Variants in MILR1 observed in about 807,000 individuals in gnomAD.
MILR1 encodes mast cell immunoglobulin like receptor 1.
MILR1 carries 31 observed loss-of-function variants against 18.5 expected under a neutral mutation model. The observed-to-expected ratio is 1.68, with a 90% confidence interval of 1.26 to 2.26. MILR1 has a LOEUF of 2.26. Among genes scored for constraint, MILR1 ranks in the 30% most tolerant of loss-of-function variants. The probability of loss-of-function intolerance (pLI) is 0.00; values close to 1 mark genes in which losing one functional copy is unlikely to be tolerated. For synonymous variants in MILR1, 85 were observed against 56.2 expected, an observed-to-expected ratio of 1.51 and a Z score of -2.30; for missense variants, 257 against 157.4, an observed-to-expected ratio of 1.63 and a Z score of -3.38.
the MILR1 span, among the ~76,000 whole-genome samples, chr17:64,483,737 A>G: frequency 7.1e-6 from 1 of 141,322 alleles, no homozygotes; most frequent in Non-Finnish European, 1.5e-5. Context: ...TTTTTTTTTT[A>G]AAGGGTCTGG....
At chr17:64,496,691 C>G in the MILR1 span, 2 of 1,614,088 alleles carry the variant, frequency 1.2e-6, no homozygotes, top group African/African-American at 2.7e-5. Flanking sequence ...GTGGCACCCA[C>G]TCAGAAGAGA....
downstream of MILR1, among the ~76,000 whole-genome samples, chr17:64,469,587 CA>C (rs1441768414): frequency 6.6e-6 from 1 of 152,162 alleles, no homozygotes; most frequent in African/African-American, 2.4e-5. Context: ...GTAGTAGAGA[CA>C]GGGTTTTGCC....
chr17:64,460,275 C>T (rs1366408551), intron 4 of MILR1, among the ~76,000 whole-genome samples: 1 of 152,048 alleles, frequency 6.6e-6, no homozygotes, highest in Non-Finnish European at 1.5e-5. Context: ...ATCTACCTGC[C>T]TTGGCCTCCC....
the MILR1 span, among the ~76,000 whole-genome samples, chr17:64,479,216 C>A: frequency 6.8e-6 from 1 of 147,482 alleles, no homozygotes; most frequent in Non-Finnish European, 1.5e-5. Context: ...AGGAGTCTCG[C>A]TCTGTCACCC....
chr17:64,493,101 A>G, the MILR1 span: 15 of 1,406,362 alleles, frequency 1.1e-5, no homozygotes, highest in Non-Finnish European at 1.5e-5. Context: ...CATTAATAGT[A>G]GTAATAACGT....
At chr17:64,481,827 A>AGATT in the MILR1 span, among the ~76,000 whole-genome samples, 3 of 151,966 alleles carry the variant, frequency 2.0e-5, no homozygotes, top group Admixed American at 6.6e-5. Context: ...GTGAGCCGAG[A>AGATT]TCGTGCCACT....
rs953419888 is a variant in MILR1 at position 64,463,884 on chromosome 17, C to T, written c.764-1568C>T. Among the ~76,000 whole-genome samples the T allele has an allele frequency of 4.0e-3, 572 of 141,650 alleles. 8 individuals are homozygous for T. The highest frequency in any genetic ancestry group is 0.025 in the Middle Eastern group (6 of 238). 92.9% of individuals were successfully genotyped at this position (141,650 alleles called of 152,430 possible). A position where few individuals can be genotyped will look rare whatever the true frequency, so the allele number is the denominator to read the frequency against. ...TGTTGCCCAGGCTGGAGTGCAGTGG[C>T]ACAATCTCCGCTCACTGCAACCTCT... On this transcript the variant is annotated intron_variant, in intron 5 of 9. Coordinates refer to ENST00000619286, the MANE Select transcript of MILR1 (RefSeq NM_001085423.2).
downstream of MILR1, among the ~76,000 whole-genome samples, chr17:64,472,683 A>G (rs1034658804): frequency 6.6e-6 from 1 of 152,030 alleles, no homozygotes; most frequent in Non-Finnish European, 1.5e-5. Flanking sequence ...GTTCAGTAGC[A>G]TGCTGTACAG....
chr17:64,452,545 G>T (rs2037197854), intron 2 of MILR1, 52 bp from the exon 3 acceptor site: 2 of 412,386 alleles, frequency 4.8e-6, no homozygotes, highest in South Asian at 1.3e-4. Context: ...GAACCACCTT[G>T]CCCGGCCAGG....
chr17:64,491,921 C>A, the MILR1 span: 5 of 134,408 alleles, frequency 3.7e-5, no homozygotes, highest in South Asian at 1.9e-4. Flanking sequence ...ATGACTGGTA[C>A]TTGTGAAAAA....
the MILR1 span, chr17:64,492,901 A>T: frequency 6.2e-7 from 1 of 1,614,126 alleles, no homozygotes; most frequent in Non-Finnish European, 8.5e-7. Flanking sequence ...ATACCTTTTA[A>T]CACCATTTCG....
chr17:64,455,299 G>A (rs2037266321), intron 3 of MILR1, among the ~76,000 whole-genome samples: 1 of 152,054 alleles, frequency 6.6e-6, no homozygotes, highest in Non-Finnish European at 1.5e-5. Context: ...CTTCAGTTAG[G>A]CCAGATCAAT....
At chr17:64,489,756 CAAAT>C in the MILR1 span, among the ~76,000 whole-genome samples, 1 of 139,290 alleles carries the variant, frequency 7.2e-6, no homozygotes, top group Non-Finnish European at 1.5e-5. Context: ...GATCCTGTCT[CAAAT>C]AAAGAAAAAA....
chr17:64,461,814 A>C (rs917590808), intron 5 of MILR1, among the ~76,000 whole-genome samples: 2 of 151,988 alleles, frequency 1.3e-5, no homozygotes, highest in African/African-American at 4.8e-5. Context: ...TCTGCTTTCT[A>C]TCTCCATTAG....
At chr17:64,492,621 A>G in the MILR1 span, 1 of 1,106,942 alleles carries the variant, frequency 9.0e-7, no homozygotes, top group East Asian at 2.4e-5. Context: ...ACACATTAAG[A>G]CAATTTATGT....
At chr17:64,471,639 A>G (rs1555664613), downstream of MILR1, among the ~76,000 whole-genome samples, 1 of 152,238 alleles carries the variant, frequency 6.6e-6, no homozygotes, top group East Asian at 1.9e-4. Context: ...CATTTCCTCT[A>G]TCACAGCAAC....
chr17:64,470,313 C>CA (rs1350499097), downstream of MILR1, among the ~76,000 whole-genome samples: 1 of 152,098 alleles, frequency 6.6e-6, no homozygotes, highest in Non-Finnish European at 1.5e-5. Flanking sequence ...AGGCTGGTCT[C>CA]AAACTCCTGA....
the MILR1 span, among the ~76,000 whole-genome samples, chr17:64,489,652 T>G: frequency 6.6e-6 from 1 of 152,008 alleles, no homozygotes; most frequent in African/African-American, 2.4e-5. Flanking sequence ...CCTAGCTACT[T>G]GGGAGGCTGA....
the MILR1 span, among the ~76,000 whole-genome samples, chr17:64,493,921 C>A: frequency 6.6e-6 from 1 of 152,146 alleles, no homozygotes; most frequent in Non-Finnish European, 1.5e-5. Flanking sequence ...CCAAATACTG[C>A]CGCATACATC....
Sources: allele counts gnomAD v4.1 joint callset (sites outside exome capture counted in the v4.1 genomes callset), GRCh38; gene constraint gnomAD v4.1.1; transcripts MANE v1.5; gene names NCBI Gene and HGNC (gene_info 2026-07-23, HGNC 2026-07-21).